Variants in SLC25A48 observed in about 807,000 individuals in gnomAD.
SLC25A48 encodes CTC-321K16.1.
SLC25A48 carries 29 observed loss-of-function variants against 32.2 expected under a neutral mutation model. The ratio of observed to expected loss-of-function variants is 0.90; its 90% CI spans 0.67 to 1.23. The LOEUF (loss-of-function observed/expected upper bound fraction) is 1.23. Among genes scored for constraint, SLC25A48 ranks in the 50% most tolerant of loss-of-function variants. The pLI is 0.00. For synonymous variants in SLC25A48, 164 were observed against 172.3 expected (o/e 0.95, Z 0.38); for missense variants, 399 against 422.7 (o/e 0.94, Z 0.49).
At chr5:135,774,835 A>G (rs555378857) in intron 3 of SLC25A48, among the ~76,000 whole-genome samples, 3 of 151,790 alleles carry the variant, frequency 2.0e-5, no homozygotes, top group Admixed American at 6.6e-5. Flanking sequence ...CCCCTGTGAT[A>G]TTGTCCCTAA....
intron 6 of SLC25A48, chr5:135,874,880 G>T: frequency 2.0e-6 from 1 of 488,762 alleles, no homozygotes; most frequent in South Asian, 3.4e-5. Context: ...TTGCTTTCTT[G>T]GTGTGGCTCT....
At position 135,784,637 on chromosome 5, in the gene SLC25A48, G is replaced by A. The variant is rs1756793109; in HGVS notation, c.-520-27886G>A. Among the ~76,000 whole-genome samples the A allele has an allele frequency of 1.7e-5, 2 of 117,052 alleles. 1 individual carries two copies. The highest frequency in any genetic ancestry group is 1.7e-4 in the Admixed American group (2 of 11,440). 76.8% of individuals were successfully genotyped at this position (117,052 alleles called of 152,430 possible). ...TATTACTCTCAATATCGCATGGGGG[G>A]TATACCCACCCTGTGATATTGTCCC... On this transcript the variant is annotated intron_variant, in intron 3 of 10. Coordinates refer to the SLC25A48 transcript ENST00000646290.
intron 3 of SLC25A48, among the ~76,000 whole-genome samples, chr5:135,795,118 A>G (rs1029470711): frequency 6.6e-6 from 1 of 151,790 alleles, no homozygotes; most frequent in African/African-American, 2.4e-5. Flanking sequence ...CACTCCTGTG[A>G]TATTGTTCCT....
intron 3 of SLC25A48, among the ~76,000 whole-genome samples, chr5:135,637,105 A>ATGC (rs1752723113): frequency 6.6e-6 from 1 of 152,256 alleles, no homozygotes; most frequent in African/African-American, 2.4e-5. Context: ...ACAGTGAGTT[A>ATGC]AACTGACCCT....
intron 3 of SLC25A48, among the ~76,000 whole-genome samples, chr5:135,795,055 T>C (rs546899366): frequency 1.1e-3 from 162 of 151,912 alleles, no homozygotes; most frequent in African/African-American, 3.8e-3. Flanking sequence ...ATATTGTTTG[T>C]AATCTCCAGG....
intron 3 of SLC25A48, among the ~76,000 whole-genome samples, chr5:135,777,583 C>T (rs1756598392): frequency 6.6e-6 from 1 of 151,516 alleles, no homozygotes; most frequent in African/African-American, 2.4e-5. Context: ...TAATATTACT[C>T]CCAATATTGC....
chr5:135,614,883 T>C (rs1752151498), intron 1 of SLC25A48, among the ~76,000 whole-genome samples: 1 of 152,110 alleles, frequency 6.6e-6, no homozygotes, highest in Non-Finnish European at 1.5e-5. Context: ...TGATAGTGAG[T>C]TCTCATGAGA....
chr5:135,772,403 C>A (rs1326588736), intron 3 of SLC25A48, among the ~76,000 whole-genome samples: 1 of 151,546 alleles, frequency 6.6e-6, no homozygotes, highest in African/African-American at 2.4e-5. Context: ...TTCATAATTT[C>A]CAGAGGGGAA....
chr5:135,666,191 T>G (rs1320908035), intron 3 of SLC25A48, among the ~76,000 whole-genome samples: 2 of 152,182 alleles, frequency 1.3e-5, no homozygotes, highest in East Asian at 3.9e-4. Context: ...CCAGCTCTCA[T>G]AACTTCACGT....
At chr5:135,753,664 T>C (rs2127010710) in intron 3 of SLC25A48, among the ~76,000 whole-genome samples, 1 of 151,920 alleles carries the variant, frequency 6.6e-6, no homozygotes. Flanking sequence ...ATCTCGAGGA[T>C]ATTATGCCTA....
chr5:135,792,904 T>C (rs1458460141), intron 3 of SLC25A48, among the ~76,000 whole-genome samples: 2 of 151,690 alleles, frequency 1.3e-5, no homozygotes, highest in Admixed American at 6.6e-5. Flanking sequence ...GTGTACACCC[T>C]GGGATATGGT....
At chr5:135,859,737 G>A (rs1438831135) in intron 4 of SLC25A48, among the ~76,000 whole-genome samples, 6 of 152,178 alleles carry the variant, frequency 3.9e-5, no homozygotes, top group African/African-American at 1.2e-4. Context: ...TTGCTTCTGG[G>A]TGAGGCCACA....
intron 7 of SLC25A48, among the ~76,000 whole-genome samples, chr5:135,884,287 A>G (rs999836253): frequency 6.6e-6 from 1 of 152,206 alleles, no homozygotes; most frequent in South Asian, 2.1e-4. Flanking sequence ...AAGAGTTGAA[A>G]GTGTTCCGTC....
At chr5:135,754,056 C>T (rs942636429) in intron 3 of SLC25A48, among the ~76,000 whole-genome samples, 2 of 151,210 alleles carry the variant, frequency 1.3e-5, no homozygotes, top group Admixed American at 6.6e-5. Context: ...TATTATTAAT[C>T]GGGATATCAC....
intron 4 of SLC25A48, among the ~76,000 whole-genome samples, chr5:135,855,156 G>A (rs1048222834): frequency 1.3e-5 from 2 of 152,168 alleles, no homozygotes; most frequent in African/African-American, 4.8e-5. Flanking sequence ...ATTATGACAA[G>A]GTTGAAAATA....
intron 3 of SLC25A48, among the ~76,000 whole-genome samples, chr5:135,709,431 A>T (rs1754599906): frequency 6.6e-6 from 1 of 152,356 alleles, no homozygotes; most frequent in South Asian, 2.1e-4. Flanking sequence ...GCTTGCAACC[A>T]TTAGGGAGCA....
At chr5:135,877,997 C>T (rs1032131467) in intron 6 of SLC25A48, among the ~76,000 whole-genome samples, 1 of 152,150 alleles carries the variant, frequency 6.6e-6, no homozygotes, top group East Asian at 1.9e-4. Context: ...CAAGGGAGAG[C>T]ATGTGGGTCG....
At chr5:135,612,499 C>A (rs1447137262) in intron 1 of SLC25A48, among the ~76,000 whole-genome samples, 1 of 152,104 alleles carries the variant, frequency 6.6e-6, no homozygotes, top group Non-Finnish European at 1.5e-5. Context: ...TCGTCTGTCC[C>A]CATTGACCCA....
intron 4 of SLC25A48, among the ~76,000 whole-genome samples, chr5:135,814,731 G>A (rs1281849445): frequency 6.6e-6 from 1 of 152,234 alleles, no homozygotes; most frequent in East Asian, 1.9e-4. Flanking sequence ...ACAGTTACAT[G>A]TGAGAGTATG....
Sources: allele counts gnomAD v4.1 joint callset (sites outside exome capture counted in the v4.1 genomes callset), GRCh38; gene constraint gnomAD v4.1.1; transcripts MANE v1.5; gene names NCBI Gene and HGNC (gene_info 2026-07-23, HGNC 2026-07-21).